The following MAGI2 variants were observed in gnomAD, a reference collection of about 807,000 sequenced individuals.
The protein encoded by MAGI2 is membrane-associated guanylate kinase, WW and PDZ domain-containing protein 2.
Under a neutral mutation model 133.3 loss-of-function variants are expected in MAGI2, and 35 were observed. That is an observed-to-expected ratio of 0.26 (90% CI 0.20 to 0.35). The LOEUF (loss-of-function observed/expected upper bound fraction) is 0.35. MAGI2 is among the 10% of genes least tolerant of loss of function. The pLI, the probability that MAGI2 is intolerant of heterozygous loss-of-function variation, is 1.00. For synonymous variants in MAGI2, 729 were observed against 710.6 expected, an observed-to-expected ratio of 1.03 and a Z score of -0.41; for missense variants, 1,636 against 1,863.4, an observed-to-expected ratio of 0.88 and a Z score of 2.25.
chr7:78,948,840 C>T (rs60399563), intron 2 of MAGI2, among the ~76,000 whole-genome samples: 2,109 of 152,054 alleles, frequency 0.014, 56 homozygotes, highest in African/African-American at 0.048. Context: ...GTTTATTATA[C>T]ATATTTTGAT....
chr7:79,340,818 T>C (rs561374393), intron 1 of MAGI2, among the ~76,000 whole-genome samples: 12 of 152,220 alleles, frequency 7.9e-5, no homozygotes, highest in African/African-American at 2.9e-4. Flanking sequence ...TCTAGTCTTC[T>C]ATCTTAAACT....
chr7:78,504,168 T>C (rs763652722), intron 4 of MAGI2, among the ~76,000 whole-genome samples: 1 of 151,986 alleles, frequency 6.6e-6, no homozygotes, highest in African/African-American at 2.4e-5. Context: ...GGAGAAAAGG[T>C]AGGAAAATAG....
At chr7:79,034,865 G>A (rs1810964643) in intron 1 of MAGI2, among the ~76,000 whole-genome samples, 1 of 152,250 alleles carries the variant, frequency 6.6e-6, no homozygotes, top group East Asian at 1.9e-4. Context: ...AGCTTTCCCG[G>A]ATTTAACTGC....
chr7:78,158,547 CA>C (rs1330526847), intron 16 of MAGI2, among the ~76,000 whole-genome samples: 3 of 152,006 alleles, frequency 2.0e-5, no homozygotes, highest in African/African-American at 7.2e-5. Context: ...CTGCCTTTGC[CA>C]AATTGTAACC....
At chr7:79,419,719 T>C (rs1846801706) in intron 1 of MAGI2, among the ~76,000 whole-genome samples, 1 of 152,066 alleles carries the variant, frequency 6.6e-6, no homozygotes, top group Admixed American at 6.6e-5. Context: ...TTAAGCATGG[T>C]ATTCCTTGTT....
At chr7:79,016,269 G>T (rs1000790363) in intron 1 of MAGI2, among the ~76,000 whole-genome samples, 3 of 152,062 alleles carry the variant, frequency 2.0e-5, no homozygotes, top group Non-Finnish European at 2.9e-5. Flanking sequence ...AAAACTGTTG[G>T]ACCTGAACAT....
intron 1 of MAGI2, among the ~76,000 whole-genome samples, chr7:79,179,654 G>A (rs566684655): frequency 3.3e-5 from 5 of 151,974 alleles, no homozygotes; most frequent in Non-Finnish European, 5.9e-5. Flanking sequence ...TGGTAAAGCT[G>A]TCAAGAACAC....
At chr7:78,612,338 T>A (rs990370140) in intron 3 of MAGI2, among the ~76,000 whole-genome samples, 5 of 151,956 alleles carry the variant, frequency 3.3e-5, no homozygotes, top group Non-Finnish European at 5.9e-5. Context: ...TAGAATTAAA[T>A]AAATAATAAT....
intron 9 of MAGI2, among the ~76,000 whole-genome samples, chr7:78,329,041 TA>T (rs1372170956): frequency 6.6e-6 from 1 of 152,128 alleles, no homozygotes; most frequent in African/African-American, 2.4e-5. Flanking sequence ...TTCTTGCCAT[TA>T]AAAAAAGCAA....
At chr7:78,248,886 G>T (rs1353227820) in intron 10 of MAGI2, among the ~76,000 whole-genome samples, 1 of 151,948 alleles carries the variant, frequency 6.6e-6, no homozygotes. Flanking sequence ...CAATTAAAAA[G>T]ATTCCATACT....
intron 6 of MAGI2, among the ~76,000 whole-genome samples, chr7:78,412,315 G>C (rs192772616): frequency 9.5e-4 from 144 of 152,104 alleles, no homozygotes; most frequent in African/African-American, 2.6e-3. Context: ...GTGGTCAAAG[G>C]GGAAGCAGTA....
chr7:78,089,862 C>T lies in MAGI2; in HGVS notation c.3568-10777G>A, dbSNP rs11972802. Among the ~76,000 whole-genome samples the T allele has an allele frequency of 8.1e-3, 1,226 of 152,266 alleles. 22 individuals are homozygous for T. Among genetic ancestry groups the T allele is most frequent in the African/African-American group, 0.027 (1,110 of 41,534 alleles). ...AAAGAGCATCTCTGATTTTGCCTCA[C>T]TCCTCCTCAAACACCTCCCCTCCTG... On this transcript the variant is annotated intron_variant, in intron 20 of 21. Transcript: ENST00000354212.
intron 1 of MAGI2, among the ~76,000 whole-genome samples, chr7:79,330,354 C>T (rs34024282): frequency 2.6e-4 from 40 of 151,644 alleles, no homozygotes; most frequent in Non-Finnish European, 4.6e-4. Flanking sequence ...CCACCACGCC[C>T]GGCTAATTTT....
At chr7:78,117,142 T>G (rs752472163) in intron 20 of MAGI2, among the ~76,000 whole-genome samples, 16 of 151,432 alleles carry the variant, frequency 1.1e-4, no homozygotes, top group Non-Finnish European at 2.1e-4. Context: ...AGACAACAAC[T>G]GTAAACAACA....
At chr7:78,344,015 C>T (rs1790651886) in intron 8 of MAGI2, 55 bp from the exon 9 acceptor site, 6 of 1,538,044 alleles carry the variant, frequency 3.9e-6, no homozygotes, top group Admixed American at 2.0e-5. Context: ...GTCAAGTTCT[C>T]AGACAAGAGA....
At chr7:78,602,829 C>T (rs1467378127) in intron 3 of MAGI2, among the ~76,000 whole-genome samples, 3 of 152,152 alleles carry the variant, frequency 2.0e-5, no homozygotes, top group East Asian at 3.9e-4. Context: ...TACAAATAGG[C>T]CAGAAACCAT....
At chr7:79,019,121 A>ACTTTTGC (rs1562793911) in intron 1 of MAGI2, among the ~76,000 whole-genome samples, 1 of 152,212 alleles carries the variant, frequency 6.6e-6, no homozygotes, top group Non-Finnish European at 1.5e-5. Flanking sequence ...ACACACTTTA[A>ACTTTTGC]AGATGACCAA....
chr7:78,286,190 TTTG>T (rs1234888237), intron 9 of MAGI2, among the ~76,000 whole-genome samples: 5 of 152,098 alleles, frequency 3.3e-5, no homozygotes, highest in Admixed American at 3.3e-4. Flanking sequence ...CAATACTAAA[TTTG>T]TTTTCTCTCT....
At chr7:78,806,629 GC>G (rs1173313361) in intron 2 of MAGI2, among the ~76,000 whole-genome samples, 1 of 152,046 alleles carries the variant, frequency 6.6e-6, no homozygotes, top group African/African-American at 2.4e-5. Flanking sequence ...ACTTTGGGAG[GC>G]TGAGTGGAGA....
Sources: gnomAD v4.1 joint callset for allele counts (sites outside exome capture counted in the v4.1 genomes callset) on GRCh38, gnomAD v4.1.1 for gene constraint, MANE v1.5 for transcripts, NCBI Gene and HGNC (gene_info 2026-07-23, HGNC 2026-07-21) for gene names.